The following RFX4 variants were observed in gnomAD, a reference collection of about 807,000 sequenced individuals.
The protein encoded by RFX4 is regulatory factor X4.
Under a neutral mutation model 95.0 loss-of-function variants are expected in RFX4, and 10 were observed. That is an observed-to-expected ratio of 0.11 (90% CI 0.06 to 0.18). The LOEUF (loss-of-function observed/expected upper bound fraction) is 0.18. Ranked by LOEUF, RFX4 falls within the 10% of genes least tolerant of loss-of-function variation. RFX4 has a pLI of 1.00. For missense variants in RFX4, 640 were observed against 922.0 expected (o/e 0.69, Z 3.96); for synonymous variants, 321 against 340.7 (o/e 0.94, Z 0.64).
At chr12:106,706,691 T>C (rs2042093148) in intron 8 of RFX4, among the ~76,000 whole-genome samples, 1 of 152,018 alleles carries the variant, frequency 6.6e-6, no homozygotes, top group Admixed American at 6.6e-5. Context: ...AGGGAACAAA[T>C]ACCATGATGT....
At chr12:106,629,613 C>G (rs763518125) in intron 2 of RFX4, among the ~76,000 whole-genome samples, 12 of 152,100 alleles carry the variant, frequency 7.9e-5, no homozygotes, top group Non-Finnish European at 1.5e-4. Context: ...TTCTGAATAG[C>G]TGGGAGTACA....
chr12:106,635,985 G>A (rs930602310), intron 2 of RFX4, among the ~76,000 whole-genome samples: 1 of 152,112 alleles, frequency 6.6e-6, no homozygotes, highest in African/African-American at 2.4e-5. Flanking sequence ...TGTCTTTATT[G>A]TGCTGTTCTT....
intron 4 of RFX4, among the ~76,000 whole-genome samples, chr12:106,661,779 C>T (rs576076256): frequency 6.6e-6 from 1 of 152,286 alleles, no homozygotes; most frequent in South Asian, 2.1e-4. Context: ...TCTAGTTTTG[C>T]CTTCTCCAGA....
chr12:106,721,008 C>T (rs2042386676), intron 13 of RFX4, 132 bp downstream of exon 13: 2 of 741,246 alleles, frequency 2.7e-6, no homozygotes, highest in Non-Finnish European at 4.6e-6. Flanking sequence ...TCTGGGGAGA[C>T]ATGACATTGT....
intron 2 of RFX4, among the ~76,000 whole-genome samples, chr12:106,623,497 C>A (rs989741608): frequency 2.6e-5 from 4 of 152,122 alleles, no homozygotes; most frequent in Admixed American, 2.0e-4. Flanking sequence ...TTTGATTGTG[C>A]CTTGTCATCT....
chr12:106,664,179 T>TCC (rs2041129666), intron 4 of RFX4, among the ~76,000 whole-genome samples: 1 of 151,936 alleles, frequency 6.6e-6, no homozygotes, highest in Admixed American at 6.6e-5. Context: ...AGTGCACCCA[T>TCC]CTGAACCTGG....
chr12:106,640,255 G>A (rs2040593034), intron 3 of RFX4, among the ~76,000 whole-genome samples: 1 of 152,166 alleles, frequency 6.6e-6, no homozygotes, highest in Non-Finnish European at 1.5e-5. Context: ...GCCAATCAGT[G>A]GCAGAGGCAG....
intron 2 of RFX4, among the ~76,000 whole-genome samples, chr12:106,631,213 A>T (rs1047705533): frequency 6.6e-6 from 1 of 152,234 alleles, no homozygotes; most frequent in Non-Finnish European, 1.5e-5. Context: ...CTCAATAAAC[A>T]TTCCCCGATG....
rs2039462699 is a variant in RFX4 at position 106,586,676 on chromosome 12, G to A, written c.43+3313G>A. ...GGATTTGAGTTCCCCGGGCCGCATC[G>A]GTGGGAGGGCACGCTAGTTTACAGG... On this transcript the variant is annotated intron_variant, in intron 1 of 17. Transcript: ENST00000392842. This position sits in a 1 kb window ranked among gnomAD's most constrained non-coding sequence, Gnocchi z 5.6. Among the ~76,000 whole-genome samples, 1 of 152,174 alleles carries A rather than the reference G, an allele frequency of 6.6e-6. No individual in the cohort carries two copies. The highest frequency in any genetic ancestry group is 1.5e-5 in the Non-Finnish European group (1 of 68,032).
chr12:106,585,529 C>A (rs2039442148), intron 1 of RFX4, among the ~76,000 whole-genome samples: 1 of 152,214 alleles, frequency 6.6e-6, no homozygotes. Context: ...AAGGGAAGTG[C>A]GGCTCGGCGT....
intron 13 of RFX4, among the ~76,000 whole-genome samples, chr12:106,728,700 T>C (rs1359046519): frequency 6.6e-6 from 1 of 152,236 alleles, no homozygotes; most frequent in Non-Finnish European, 1.5e-5. Flanking sequence ...CTTTTCATTT[T>C]CCTGTCTTCA....
At chr12:106,758,171 G>A (rs531905010) in intron 17 of RFX4, among the ~76,000 whole-genome samples, 3 of 152,340 alleles carry the variant, frequency 2.0e-5, no homozygotes, top group South Asian at 2.1e-4. Flanking sequence ...GATGTAAAGT[G>A]TGAGAGGTGA....
chr12:106,733,023 T>C lies in RFX4; in HGVS notation c.1571T>C (p.Val524Ala). ...GCAAAATCTGCCACATCTGTGGAAG[T>C]GCCACCTCCCTCTTCCCCTGTTAGC... ...SPAKSATSVE[V>A]PPPSSPVSNP... The change falls in exon 15 of 18, where the codon GTG becomes GCG. Residue 524 changes from valine to alanine, a missense_variant. By Grantham distance (64) the Val-to-Ala change is moderately conservative. Around this residue, in one of 7 missense-constraint regions of RFX4, gnomAD observed 300 missense variants for 346.8 expected, o/e 0.87. Transcript: ENST00000392842. 1.2e-6 allele frequency: 2 copies of C among 1,614,176 alleles called. No individual in the cohort carries two copies. Among genetic ancestry groups the C allele is most frequent in the African/African-American group, 1.3e-5 (1 of 75,036 alleles).
chr12:106,635,420 C>G (rs2040490990), intron 2 of RFX4, among the ~76,000 whole-genome samples: 1 of 152,078 alleles, frequency 6.6e-6, no homozygotes, highest in Non-Finnish European at 1.5e-5. Context: ...TCAAGAGACT[C>G]TTGTGCCTTA....
At chr12:106,654,109 A>T in intron 3 of RFX4, 119 bp from the exon 4 acceptor site, 1 of 1,361,948 alleles carries the variant, frequency 7.3e-7, no homozygotes, top group Non-Finnish European at 1.0e-6. Flanking sequence ...CAGCTTCTCC[A>T]CCTGTAGAAA....
At chr12:106,689,389 G>T in intron 7 of RFX4, 25 bp downstream of exon 7, 1 of 1,555,232 alleles carries the variant, frequency 6.4e-7, no homozygotes, top group Non-Finnish European at 8.9e-7. Flanking sequence ...GTTGAGCTGT[G>T]AATACTCGGT....
intron 13 of RFX4, among the ~76,000 whole-genome samples, chr12:106,723,701 T>C (rs1367811379): frequency 6.6e-6 from 1 of 152,182 alleles, no homozygotes; most frequent in Non-Finnish European, 1.5e-5. Context: ...CCTTCCCAAC[T>C]GCTTCTCTAT....
chr12:106,627,106 A>T lies in RFX4; in HGVS notation c.131-12226A>T, dbSNP rs542257376. Among the ~76,000 whole-genome samples, 4 of 151,476 alleles carry T rather than the reference A, an allele frequency of 2.6e-5. No homozygotes were observed. The East Asian group carries it at 7.7e-4, about 29-fold the overall frequency. Reference sequence around the variant, plus strand: ...ACTCTGAGTGTACACTTCTTCCTTTACTCTCTTGTGTTACTGACTGTCCAG... The same window carrying T: ...ACTCTGAGTGTACACTTCTTCCTTTTCTCTCTTGTGTTACTGACTGTCCAG... On this transcript the variant is annotated intron_variant, in intron 2 of 17. Transcript: ENST00000392842.
intron 17 of RFX4, among the ~76,000 whole-genome samples, chr12:106,751,405 ATG>A (rs2043003208): frequency 6.6e-6 from 1 of 150,420 alleles, no homozygotes; most frequent in South Asian, 2.1e-4. Context: ...ATACGTGTGC[ATG>A]TGTCTTTATA....
Sources: gnomAD v4.1 joint callset for allele counts (sites outside exome capture counted in the v4.1 genomes callset) on GRCh38, gnomAD v4.1.1 for gene constraint, gnomAD v4.1.1 regional missense constraint, Gnocchi (gnomAD v3.1) non-coding constraint, MANE v1.5 for transcripts, NCBI Gene and HGNC (gene_info 2026-07-23, HGNC 2026-07-21) for gene names.